STK32B: variants seen among roughly 807,000 people sequenced by gnomAD.
STK32B encodes the protein serine/threonine-protein kinase 32B.
In STK32B, 43 loss-of-function variants were observed where a neutral mutation model predicts 52.6. The ratio of observed to expected loss-of-function variants is 0.82; its 90% CI spans 0.64 to 1.05. The LOEUF (loss-of-function observed/expected upper bound fraction) is 1.05. Ranked by LOEUF, STK32B falls within the 50% of genes least tolerant of loss-of-function variation. STK32B has a pLI of 0.00. For missense variants in STK32B, 621 were observed against 534.6 expected (o/e 1.16, Z -1.59); for synonymous variants, 238 against 204.3 (o/e 1.17, Z -1.41).
intron 3 of STK32B, among the ~76,000 whole-genome samples, chr4:5,178,336 C>G (rs892168681): frequency 6.6e-6 from 1 of 152,234 alleles, no homozygotes; most frequent in African/African-American, 2.4e-5. Context: ...ACACAGGTCA[C>G]CAGCTTTCAA....
intron 3 of STK32B, among the ~76,000 whole-genome samples, chr4:5,318,716 G>T (rs148035096): frequency 1.5e-3 from 226 of 152,276 alleles, no homozygotes; most frequent in African/African-American, 5.1e-3. Flanking sequence ...AGTCCCTCAG[G>T]ATGACCAGAG....
At chr4:5,340,846 A>T (rs1014221142) in intron 4 of STK32B, among the ~76,000 whole-genome samples, 1 of 152,226 alleles carries the variant, frequency 6.6e-6, no homozygotes, top group Non-Finnish European at 1.5e-5. Flanking sequence ...ACACCCACAC[A>T]TATATAATAG....
At chr4:5,137,546 G>T (rs1716149187) in intron 1 of STK32B, among the ~76,000 whole-genome samples, 1 of 152,226 alleles carries the variant, frequency 6.6e-6, no homozygotes, top group Non-Finnish European at 1.5e-5. Context: ...TTTTTGAAAG[G>T]TTGTAGTGTG....
intron 3 of STK32B, among the ~76,000 whole-genome samples, chr4:5,314,952 A>G (rs1365820296): frequency 1.3e-5 from 2 of 152,200 alleles, no homozygotes; most frequent in African/African-American, 4.8e-5. Context: ...AGCATGTATC[A>G]TAAAAGTGAA....
intron 3 of STK32B, among the ~76,000 whole-genome samples, chr4:5,301,991 TC>T (rs1370898875): frequency 2.0e-5 from 3 of 151,534 alleles, no homozygotes; most frequent in Admixed American, 6.6e-5. Context: ...TTGTGGTTTT[TC>T]CCCCATTATT....
intron 3 of STK32B, among the ~76,000 whole-genome samples, chr4:5,211,313 G>A (rs1407696012): frequency 6.6e-6 from 1 of 152,172 alleles, no homozygotes; most frequent in Non-Finnish European, 1.5e-5. Context: ...GGCCTTCCTG[G>A]TCCAAGGCTA....
rs1736237924 is a variant in STK32B, at chr4:5,386,090, C to T, written c.435-12117C>T. Among the ~76,000 whole-genome samples, 1 of 149,242 alleles carries T rather than the reference C, an allele frequency of 6.7e-6. No individual in the cohort carries two copies. The highest frequency in any genetic ancestry group is 1.5e-5 in the Non-Finnish European group (1 of 67,228). ...ATAGCCCCTACCCAGATTTCCCATG[C>T]AGAGCTCCACCCACAGGCCCCACCC... On this transcript the variant is annotated intron_variant, in intron 4 of 11. Transcript: ENST00000282908. This position sits in a 1 kb window ranked among gnomAD's most constrained non-coding sequence, Gnocchi z 4.5.
chr4:5,315,433 C>T (rs1185899613), intron 3 of STK32B, among the ~76,000 whole-genome samples: 2 of 151,942 alleles, frequency 1.3e-5, no homozygotes, highest in Non-Finnish European at 2.9e-5. Context: ...GCAACACTTA[C>T]TGAGTATTTA....
At position 5,467,987 on chromosome 4, in the gene STK32B, C is replaced by G; in HGVS notation, c.1042-19C>G. 6.2e-7 allele frequency: 1 copy of G among 1,613,978 alleles called. No homozygotes were observed. The highest frequency in any genetic ancestry group is 8.5e-7 in the Non-Finnish European group (1 of 1,179,908). On this transcript the variant is annotated intron_variant, in intron 10 of 11. Coordinates refer to ENST00000282908, the MANE Select transcript of STK32B (RefSeq NM_018401.3). The surrounding 1 kb of genome is among the most constrained non-coding windows in gnomAD (Gnocchi z 5.8). ...GACCGTGCTTTGTCATTTAGTCACC[C>G]CTCTGTGCTCTTTGACAGAATGGAC...
intron 11 of STK32B, among the ~76,000 whole-genome samples, chr4:5,480,143 C>T (rs982800857): frequency 4.6e-5 from 7 of 152,112 alleles, no homozygotes; most frequent in South Asian, 2.1e-4. Context: ...ATTATCAGAC[C>T]GATATAGTGC....
At chr4:5,355,052 C>G (rs533398584) in intron 4 of STK32B, among the ~76,000 whole-genome samples, 1 of 152,274 alleles carries the variant, frequency 6.6e-6, no homozygotes, top group South Asian at 2.1e-4. Flanking sequence ...CTGACAAAAC[C>G]TTGACTTTCC....
chr4:5,329,873 A>C (rs1396801785), intron 3 of STK32B, among the ~76,000 whole-genome samples: 1 of 152,156 alleles, frequency 6.6e-6, no homozygotes, highest in Non-Finnish European at 1.5e-5. Flanking sequence ...TGGGAGCTGG[A>C]GGGGATTTGA....
In STK32B at chr4:5,380,608, C is replaced by T. The variant is rs79916267; in HGVS notation, c.435-17599C>T. 0.025 allele frequency among the ~76,000 whole-genome samples: 3,747 copies of T among 152,280 alleles called. 159 individuals are homozygous for T. Among genetic ancestry groups the T allele is most frequent in the African/African-American group, 0.084 (3,485 of 41,538 alleles). Reference sequence around the variant, plus strand: ...CAGCTGGGACTGAGTACCCATGACACGCAGATGCCTTTACCAGGGTGGCTG... The same window carrying T: ...CAGCTGGGACTGAGTACCCATGACATGCAGATGCCTTTACCAGGGTGGCTG... On this transcript the variant is annotated intron_variant, in intron 4 of 11. Transcript: ENST00000282908. This position sits in a 1 kb window ranked among gnomAD's most constrained non-coding sequence, Gnocchi z 4.3.
At chr4:5,284,589 G>C (rs1163169069) in intron 3 of STK32B, among the ~76,000 whole-genome samples, 1 of 152,140 alleles carries the variant, frequency 6.6e-6, no homozygotes, top group African/African-American at 2.4e-5. Flanking sequence ...ATTCAAAGTT[G>C]ATAGACATGT....
intron 4 of STK32B, among the ~76,000 whole-genome samples, chr4:5,381,972 C>T (rs1453760665): frequency 2.0e-5 from 3 of 152,164 alleles, no homozygotes; most frequent in African/African-American, 7.2e-5. Flanking sequence ...GACAGGCCAG[C>T]CAGCAGGAGA....
At chr4:5,208,175 C>A (rs1331151181) in intron 3 of STK32B, among the ~76,000 whole-genome samples, 1 of 152,158 alleles carries the variant, frequency 6.6e-6, no homozygotes, top group African/African-American at 2.4e-5. Flanking sequence ...TGAGCCCTGA[C>A]CATGTGAGGG....
intron 6 of STK32B, among the ~76,000 whole-genome samples, chr4:5,433,849 ACT>A (rs1376297488): frequency 1.7e-4 from 26 of 152,140 alleles, no homozygotes; most frequent in Admixed American, 1.6e-3. Context: ...GAGGGAGTAA[ACT>A]CTGTGTGGTT....
At chr4:5,323,536 G>A (rs1036114836) in intron 3 of STK32B, among the ~76,000 whole-genome samples, 39 of 152,174 alleles carry the variant, frequency 2.6e-4, no homozygotes, top group African/African-American at 9.2e-4. Context: ...ACAAGAAGAG[G>A]CCAGAGAAAA....
At chr4:5,181,396 A>G (rs1001728670) in intron 3 of STK32B, among the ~76,000 whole-genome samples, 10 of 151,836 alleles carry the variant, frequency 6.6e-5, no homozygotes, top group Non-Finnish European at 1.2e-4. Flanking sequence ...GCAGCAAGAA[A>G]GTTGCCTCTG....
Sources: gnomAD v4.1 joint callset for allele counts (sites outside exome capture counted in the v4.1 genomes callset) on GRCh38, gnomAD v4.1.1 for gene constraint, Gnocchi (gnomAD v3.1) non-coding constraint, MANE v1.5 for transcripts, NCBI Gene and HGNC (gene_info 2026-07-23, HGNC 2026-07-21) for gene names.